The following ANO7 variants were observed in gnomAD, a reference collection of about 807,000 sequenced individuals.
ANO7 encodes the protein anoctamin 7.
In ANO7, 114 loss-of-function variants were observed where a neutral mutation model predicts 115.8. That is an observed-to-expected ratio of 0.98 (90% confidence interval 0.85 to 1.15). The LOEUF is 1.15. Among genes scored for constraint, ANO7 ranks in the 50% most tolerant of loss-of-function variants. The pLI is 0.00. For missense variants in ANO7, 1,302 were observed against 1,201.2 expected (o/e 1.08, Z -1.24); for synonymous variants, 550 against 498.2 (o/e 1.10, Z -1.38).
At chr2:241,199,513 G>A (rs2068420339) in intron 5 of ANO7, 90 bp downstream of exon 5, 16 of 1,333,116 alleles carry the variant, frequency 1.2e-5, no homozygotes, top group Non-Finnish European at 1.6e-5. Context: ...CCTCAGGAGG[G>A]CTCCCTGCTC....
At chr2:241,235,105 G>A in the ANO7 span, 1 of 1,610,356 alleles carries the variant, frequency 6.2e-7, no homozygotes, top group Non-Finnish European at 8.5e-7. Context: ...CAGTGCCCCG[G>A]CCACCTCCTG....
At chr2:241,202,114 C>T (rs1183152880) in intron 7 of ANO7, 80 bp from the exon 8 acceptor site, 1 of 1,268,454 alleles carries the variant, frequency 7.9e-7, no homozygotes, top group African/African-American at 1.5e-5. Context: ...TGGCCTTGGC[C>T]TAAAGACAGG....
At chr2:241,216,463 G>A (rs1396331261) in intron 19 of ANO7, among the ~76,000 whole-genome samples, 2 of 152,240 alleles carry the variant, frequency 1.3e-5, no homozygotes, top group Non-Finnish European at 2.9e-5. Context: ...GAGGGGCACC[G>A]GCACGGGGAG....
At position 241,210,480 on chromosome 2, in the gene ANO7, G is replaced by A. The variant is rs566277967; in HGVS notation, c.1471G>A (p.Ala491Thr). 80 of 1,613,880 alleles carry A rather than the reference G, an allele frequency of 5.0e-5. No individual in the cohort carries two copies. Among genetic ancestry groups the A allele is most frequent in the South Asian group, 2.0e-4 (18 of 91,090 alleles). The change falls in exon 15 of 25, where the codon GCC (alanine) becomes ACC (threonine). Residue 491 changes from alanine (A) to threonine (T), a missense_variant. Physicochemically the swap from Ala to Thr is moderately conservative, Grantham distance 58 (BLOSUM62 0). Transcript: ENST00000674324. The stretch of plus-strand genomic sequence containing the variant: ...TGTCTCCCGTTAGGCCTCTCGCATC[G>A]CCAGCCTCACGGGGTCTGTAGTGAA... ...TLLAAWASRI[A>T]SLTGSVVNLV...
Position 241,191,242 on chromosome 2 carries a change from C to T in ANO7, c.157C>T (p.Pro53Ser), listed in dbSNP as rs202238850. 167 of 1,613,712 alleles carry T rather than the reference C, an allele frequency of 1.0e-4. No homozygotes were observed. Among genetic ancestry groups the T allele is most frequent in the Non-Finnish European group, 1.3e-4 (159 of 1,179,936 alleles). Residue 53 changes from proline to serine, a missense_variant, in exon 3 of 25, where the codon CCC (proline) becomes TCC (serine). Physicochemically the swap from Pro to Ser is moderately conservative, Grantham distance 74. Transcript: ENST00000674324. ...AACRAGSPAK[P>S]RIADFVLVWE... ...CTGCAGAGCTGGGAGTCCTGCCAAG[C>T]CCCGGATCGGTGAGCCCCTCCCAGC...
the ANO7 span, among the ~76,000 whole-genome samples, chr2:241,234,670 A>C: frequency 2.0e-5 from 3 of 152,198 alleles, no homozygotes; most frequent in African/African-American, 7.2e-5. Context: ...CCGCTCATAC[A>C]ATCCTTCAAA....
intron 11 of ANO7, among the ~76,000 whole-genome samples, chr2:241,208,285 C>T (rs2068635819): frequency 2.0e-5 from 3 of 152,248 alleles, no homozygotes; most frequent in Non-Finnish European, 1.5e-5. Flanking sequence ...TTCTCACAGG[C>T]CCGGGGCCAG....
chr2:241,213,279 T>C (rs972795613), intron 17 of ANO7, among the ~76,000 whole-genome samples: 1 of 152,042 alleles, frequency 6.6e-6, no homozygotes, highest in Non-Finnish European at 1.5e-5. Flanking sequence ...CTTGGCGTGC[T>C]GCCGCCATGG....
At chr2:241,191,716 C>T (rs1029447108) in intron 3 of ANO7, among the ~76,000 whole-genome samples, 1 of 151,650 alleles carries the variant, frequency 6.6e-6, no homozygotes, top group South Asian at 2.1e-4. Context: ...CCCCGCCCAC[C>T]CTGCTGTCCC....
chr2:241,192,492 G>A (rs374325559), intron 3 of ANO7, among the ~76,000 whole-genome samples: 4 of 152,058 alleles, frequency 2.6e-5, no homozygotes, highest in African/African-American at 7.3e-5. Context: ...TCACACCCCC[G>A]GGGTCTCTTC....
intron 3 of ANO7, among the ~76,000 whole-genome samples, chr2:241,194,637 G>C (rs59256192): frequency 0.013 from 2,035 of 152,286 alleles, 56 homozygotes; most frequent in African/African-American, 0.044. Context: ...TATTGTAAAA[G>C]AGCGAGACAG....
intron 18 of ANO7, among the ~76,000 whole-genome samples, chr2:241,215,244 T>G (rs1229706746): frequency 1.3e-5 from 2 of 152,218 alleles, no homozygotes; most frequent in Non-Finnish European, 1.5e-5. Context: ...AGAGTATTCC[T>G]TGGCATCCCC....
intron 3 of ANO7, among the ~76,000 whole-genome samples, chr2:241,193,000 C>G (rs559991974): frequency 1.1e-4 from 17 of 151,610 alleles, no homozygotes; most frequent in African/African-American, 4.1e-4. Context: ...TGTCAATGTC[C>G]TTAGTACCAA....
intron 4 of ANO7, among the ~76,000 whole-genome samples, chr2:241,196,838 CGTGTGTGT>C (rs60120827): frequency 0.083 from 12,234 of 146,876 alleles, 844 homozygotes; most frequent in East Asian, 0.42. Flanking sequence ...TCAATTCATT[CGTGTGTGT>C]GTGTGTGTGT....
chr2:241,199,941 G>A, intron 5 of ANO7, 148 bp from the exon 6 acceptor site: 1 of 865,514 alleles, frequency 1.2e-6, no homozygotes, highest in Non-Finnish European at 1.7e-6. Context: ...GGGCTCACCT[G>A]GGCCCTCACA....
chr2:241,198,203 C>T (rs552183836), intron 4 of ANO7, among the ~76,000 whole-genome samples: 181 of 152,310 alleles, frequency 1.2e-3, no homozygotes, highest in African/African-American at 3.9e-3. Flanking sequence ...CCAGAACACA[C>T]AGGGAGCAGC....
chr2:241,235,565 C>T, the ANO7 span: 2 of 1,614,038 alleles, frequency 1.2e-6, no homozygotes, highest in South Asian at 1.1e-5. Flanking sequence ...CAAAGGGCAC[C>T]TCTACTTCAA....
At chr2:241,230,183 G>A (rs535238598), downstream of ANO7, 20 of 1,613,614 alleles carry the variant, frequency 1.2e-5, no homozygotes, top group East Asian at 1.8e-4. This position sits in a 1 kb window ranked among gnomAD's most constrained non-coding sequence, Gnocchi z 5.0. Flanking sequence ...GGATGTGGTC[G>A]ATGGCTTCCT....
At chr2:241,217,393 G>A (rs1242035613) in intron 19 of ANO7, among the ~76,000 whole-genome samples, 2 of 152,262 alleles carry the variant, frequency 1.3e-5, no homozygotes. Context: ...ATCAGGAGCA[G>A]GTTTCTGCCC....
Sources: allele counts gnomAD v4.1 joint callset (sites outside exome capture counted in the v4.1 genomes callset), GRCh38; gene constraint gnomAD v4.1.1; non-coding constraint Gnocchi (gnomAD v3.1); transcripts MANE v1.5; gene names NCBI Gene and HGNC (gene_info 2026-07-23, HGNC 2026-07-21).